HBS1L: variants seen among roughly 807,000 people sequenced by gnomAD.
The protein encoded by HBS1L is HBS1 like translational GTPase.
In HBS1L, 55 loss-of-function variants were observed where a neutral mutation model predicts 88.9. That is an observed-to-expected ratio of 0.62 (90% CI 0.50 to 0.77). HBS1L has a LOEUF of 0.77. Ranked by LOEUF, HBS1L falls within the 30% of genes least tolerant of loss-of-function variation. The probability of loss-of-function intolerance (pLI) is 0.00; values close to 1 mark genes in which losing one functional copy is unlikely to be tolerated. For synonymous variants in HBS1L, 267 were observed against 288.5 expected (o/e 0.93, Z 0.76); for missense variants, 741 against 829.3 (o/e 0.89, Z 1.31).
At position 134,965,480 on chromosome 6, in the gene HBS1L, A is replaced by G. The variant is rs78518806; in HGVS notation, c.2044-190T>C. On this transcript the variant is annotated intron_variant, in intron 17 of 17. Coordinates refer to ENST00000367837, the MANE Select transcript of HBS1L (RefSeq NM_006620.4). ...CTATAATCTCTCCATTATTCTCCACAAATGACTCTATCTTATTTTTAGAAT... is the reference window on the plus strand; with the variant it reads ...CTATAATCTCTCCATTATTCTCCACGAATGACTCTATCTTATTTTTAGAAT... Among the ~76,000 whole-genome samples, 6 of 152,340 alleles carry G rather than the reference A, an allele frequency of 3.9e-5. No homozygotes were observed. The East Asian group carries it at 1.2e-3, about 29-fold the overall frequency.
intron 1 of HBS1L, among the ~76,000 whole-genome samples, chr6:135,052,636 T>C (rs1777124380): frequency 6.6e-6 from 1 of 151,472 alleles, no homozygotes; most frequent in African/African-American, 2.4e-5. Context: ...AGTTTGTCAA[T>C]GCTGAAGTTG....
chr6:135,009,866 G>A (rs1188734714), intron 4 of HBS1L, among the ~76,000 whole-genome samples: 1 of 150,926 alleles, frequency 6.6e-6, no homozygotes, highest in African/African-American at 2.4e-5. Context: ...TCCTGACCTC[G>A]TGATCCGCCC....
chr6:134,993,752 A>C lies in HBS1L; in HGVS notation c.1083+6T>G. 7.2e-7 allele frequency: 1 copy of C among 1,388,432 alleles called. No homozygotes were observed. The highest frequency in any genetic ancestry group is 1.0e-6 in the Non-Finnish European group (1 of 998,652). The allele number at this position is 1,388,432 out of a possible 1,614,324, so 86.0% of individuals were successfully genotyped here. A position where few individuals can be genotyped will look rare whatever the true frequency, so the allele number is the denominator to read the frequency against. On this transcript the variant is annotated splice_donor_region_variant and intron_variant, in intron 8 of 17. Coordinates refer to ENST00000367837, the MANE Select transcript of HBS1L (RefSeq NM_006620.4). ...AGCACACTATAGTGAAGAAAACAGC[A>C]GTTACCTGGGCTGCTCCTGTAATCA...
chr6:135,037,696 A>G lies in HBS1L; in HGVS notation c.430+1877T>C, dbSNP rs556467965. On this transcript the variant is annotated intron_variant, in intron 4 of 17. Coordinates refer to ENST00000367837, the MANE Select transcript of HBS1L (RefSeq NM_006620.4). ...CAAATCGGCATCTAGGTTCTTTGAAAGCAGACTTTCCAGACTGTCTGTAGA... is the reference window on the plus strand; with the variant it reads ...CAAATCGGCATCTAGGTTCTTTGAAGGCAGACTTTCCAGACTGTCTGTAGA... 43 of 1,551,010 alleles carry G rather than the reference A, an allele frequency of 2.8e-5. No homozygotes were observed. The East Asian group carries it at 9.5e-4, about 34-fold the overall frequency.
intron 15 of HBS1L, among the ~76,000 whole-genome samples, chr6:134,976,196 CCACAA>C (rs1774637469): frequency 6.6e-6 from 1 of 152,034 alleles, no homozygotes; most frequent in South Asian, 2.1e-4. Context: ...CAAATCAAAG[CCACAA>C]TGGGATACCA....
chr6:134,974,544 C>G (rs1774587556), intron 15 of HBS1L, among the ~76,000 whole-genome samples: 1 of 151,986 alleles, frequency 6.6e-6, no homozygotes, highest in Non-Finnish European at 1.5e-5. Context: ...AACAGCATAT[C>G]CAAAAGACAT....
rs373913791 is a variant in HBS1L, at chr6:134,989,766, A to G, written c.1084-1975T>C. ...GTGCCATCTTCACTTCCAATCCCTC[A>G]TATTTTATAAAACTGAACATTAATT... On this transcript the variant is annotated intron_variant, in intron 8 of 17. Transcript: ENST00000367837. Among the ~76,000 whole-genome samples the G allele has an allele frequency of 3.3e-5, 5 of 152,146 alleles. No individual in the cohort carries two copies. The East Asian group carries it at 9.6e-4, about 29-fold the overall frequency.
At chr6:135,026,524 T>TAATAACATAAATGAGAAA (rs1776231385) in intron 4 of HBS1L, among the ~76,000 whole-genome samples, 1 of 152,116 alleles carries the variant, frequency 6.6e-6, no homozygotes, top group Non-Finnish European at 1.5e-5. Context: ...TCTGGTCTAT[T>TAATAACATAAATGAGAAA]AATAACATAA....
Position 134,962,385 on chromosome 6 carries a change from T to C in HBS1L, c.*2894A>G, listed in dbSNP as rs1004999536. ...CATGAAAACATTGGCAGCAGTTACCTTTAGGTGACAGAACTGTGGGTTAAT... is the reference window on the plus strand; with the variant it reads ...CATGAAAACATTGGCAGCAGTTACCCTTAGGTGACAGAACTGTGGGTTAAT... On this transcript the variant is annotated 3_prime_UTR_variant, in exon 18 of 18. Coordinates refer to ENST00000367837, the MANE Select transcript of HBS1L (RefSeq NM_006620.4). 2.6e-5 allele frequency: 4 copies of C among 152,198 alleles called. No individual in the cohort carries two copies. The highest frequency in any genetic ancestry group is 9.6e-5 in the African/African-American group (4 of 41,452). 9.4% of individuals were successfully genotyped at this position (152,198 alleles called of 1,614,324 possible).
At chr6:135,024,265 C>A (rs1776157786) in intron 4 of HBS1L, among the ~76,000 whole-genome samples, 1 of 151,706 alleles carries the variant, frequency 6.6e-6, no homozygotes, top group South Asian at 2.1e-4. Flanking sequence ...ATGGTGAAAC[C>A]CTGTCTCTAC....
At chr6:134,987,457 TAAG>T (rs199733377) in intron 9 of HBS1L, among the ~76,000 whole-genome samples, 185 bp downstream of exon 9, 26 of 152,218 alleles carry the variant, frequency 1.7e-4, no homozygotes, top group East Asian at 3.9e-4. Flanking sequence ...ATTTTGAAAA[TAAG>T]AAGACATTTT....
chr6:134,981,276 G>A (rs759574165), intron 13 of HBS1L, among the ~76,000 whole-genome samples: 3 of 151,820 alleles, frequency 2.0e-5, no homozygotes, highest in Admixed American at 6.6e-5. Flanking sequence ...AAAAACAAAA[G>A]CAGAGACCTG....
rs754201805 is a variant in HBS1L, at chr6:134,982,487, A to G, written c.1568T>C (p.Met523Thr). 6.2e-7 allele frequency: 1 copy of G among 1,609,876 alleles called. No homozygotes were observed. The highest frequency in any genetic ancestry group is 2.2e-5 in the East Asian group (1 of 44,784). ...CACGGTACAAGTTTCATTAGGAGGCATTGCCAGTAGTCGGTCACCAGTTTG... is the reference window on the plus strand; with the variant it reads ...CACGGTACAAGTTTCATTAGGAGGCGTTGCCAGTAGTCGGTCACCAGTTTG... Reference protein sequence around the residue: ...YIQTGDRLLAMPPNETCTVKG... With the variant: ...YIQTGDRLLATPPNETCTVKG... The change falls in exon 13 of 18, where the codon ATG becomes ACG. Residue 523 changes from methionine (M) to threonine (T), a missense_variant. Met to Thr is a moderately conservative substitution (Grantham distance 81). This residue lies in a region of HBS1L where 181 missense variants were observed against 212.7 expected (regional missense o/e 0.85). Coordinates refer to ENST00000367837, the MANE Select transcript of HBS1L (RefSeq NM_006620.4).
intron 4 of HBS1L, chr6:135,038,006 CAGA>C (rs775033111): frequency 4.6e-6 from 7 of 1,516,084 alleles, no homozygotes; most frequent in East Asian, 4.9e-5. Context: ...GCTGAAACTT[CAGA>C]AGAAGAAAAT....
Position 135,009,874 on chromosome 6 carries a change from C to T in HBS1L, c.431-7032G>A, listed in dbSNP as rs181335358. On this transcript the variant is annotated intron_variant, in intron 4 of 17. Transcript: ENST00000367837. ...CTCGATCTCCTGACCTCGTGATCCGCCCGCCTCGGCCTCCCAACGTGCTGG... is the reference window on the plus strand; with the variant it reads ...CTCGATCTCCTGACCTCGTGATCCGTCCGCCTCGGCCTCCCAACGTGCTGG... Among the ~76,000 whole-genome samples the T allele has an allele frequency of 5.9e-3, 894 of 152,030 alleles. 9 individuals are homozygous for T. The highest frequency in any genetic ancestry group is 0.017 in the African/African-American group (717 of 41,460).
intron 4 of HBS1L, among the ~76,000 whole-genome samples, chr6:135,019,533 T>C (rs1355273991): frequency 6.6e-6 from 1 of 151,928 alleles, no homozygotes; most frequent in Non-Finnish European, 1.5e-5. Context: ...ACACTGTTTT[T>C]AGTGACAATA....
At chr6:135,030,554 T>C (rs959476008) in intron 4 of HBS1L, among the ~76,000 whole-genome samples, 2 of 152,146 alleles carry the variant, frequency 1.3e-5, no homozygotes, top group African/African-American at 4.8e-5. Flanking sequence ...GAAAATTAGA[T>C]CTTTAGTTTA....
intron 4 of HBS1L, among the ~76,000 whole-genome samples, chr6:135,023,441 C>T (rs1776133466): frequency 8.1e-6 from 1 of 122,936 alleles, no homozygotes; most frequent in African/African-American, 2.8e-5. Context: ...GAGACTCCAT[C>T]TCAAAAACAA....
At chr6:134,969,404 C>T (rs1774417495) in intron 15 of HBS1L, 66 bp from the exon 16 acceptor site, 1 of 975,464 alleles carries the variant, frequency 1.0e-6, no homozygotes, top group Admixed American at 1.9e-5. Flanking sequence ...TCTTTTGGCA[C>T]TTATACTTAA....
Sources: allele counts gnomAD v4.1 joint callset (sites outside exome capture counted in the v4.1 genomes callset), GRCh38; gene constraint gnomAD v4.1.1; regional missense constraint gnomAD v4.1.1; transcripts MANE v1.5; gene names NCBI Gene and HGNC (gene_info 2026-07-23, HGNC 2026-07-21).